The following NEB variants were observed in gnomAD, a reference collection of about 807,000 sequenced individuals.
NEB encodes nebulin, also known as nemaline myopathy type 2.
Under a neutral mutation model 952.2 loss-of-function variants are expected in NEB, and 512 were observed. The ratio of observed to expected loss-of-function variants is 0.54; its 90% CI spans 0.50 to 0.58. The LOEUF (loss-of-function observed/expected upper bound fraction) is 0.58. Ranked by LOEUF, NEB falls within the 20% of genes least tolerant of loss-of-function variation. The pLI, the probability that NEB is intolerant of heterozygous loss-of-function variation, is 0.00. For missense variants in NEB, 8,428 were observed against 9,231.1 expected (o/e 0.91, Z 3.56); for synonymous variants, 2,900 against 3,149.8 (o/e 0.92, Z 2.66).
intron 81 of NEB, 134 bp from the exon 82 acceptor site, chr2:151,608,810 G>A (rs2097783637): frequency 9.6e-6 from 1 of 103,904 alleles, no homozygotes; most frequent in Non-Finnish European, 2.1e-5. Context: ...GGCTGAGGCA[G>A]GAGAATCGCT....
chr2:151,509,102 TTTG>T (rs2071785702), intron 161 of NEB, among the ~76,000 whole-genome samples: 1 of 152,216 alleles, frequency 6.6e-6, no homozygotes. Context: ...CTCTATGTAC[TTTG>T]TTAATATAGG....
At position 151,692,046 on chromosome 2, in the gene NEB, T is replaced by C; in HGVS notation, c.2106+13A>G. ...TGTCACTGTGAGGCATGAACCATTG[T>C]CTTCAAACTTACATCACTGTTTTGA... is the stretch of plus-strand genomic sequence containing the variant. On this transcript the variant is annotated intron_variant, in intron 22 of 181. Coordinates refer to ENST00000397345, the MANE Select transcript of NEB (RefSeq NM_001164508.2). 6.2e-7 allele frequency: 1 copy of C among 1,612,326 alleles called. No individual in the cohort carries two copies. Among genetic ancestry groups the C allele is most frequent in the South Asian group, 1.1e-5 (1 of 91,028 alleles).
At chr2:151,614,846 A>C (rs1429559265) in intron 76 of NEB, among the ~76,000 whole-genome samples, 1 of 152,158 alleles carries the variant, frequency 6.6e-6, no homozygotes, top group African/African-American at 2.4e-5. Flanking sequence ...CCTCCTTATT[A>C]TACCACACTG....
chr2:151,583,864 G>A lies in NEB; in HGVS notation c.15664-98C>T, dbSNP rs545293311. 3 of 500,814 alleles carry A rather than the reference G, an allele frequency of 6.0e-6. 1 individual carries two copies. In the Admixed American group the frequency reaches 1.1e-4, roughly 18 times the overall value. 31.0% of individuals were successfully genotyped at this position (500,814 alleles called of 1,614,324 possible). On this transcript the variant is annotated intron_variant, in intron 100 of 181. Transcript: ENST00000397345. ...GGTTTCAGTATGTTTTCTTAGCCTTGGTATAAATTGGCTCAACATTGGCAG... is the reference window on the plus strand; with the variant it reads ...GGTTTCAGTATGTTTTCTTAGCCTTAGTATAAATTGGCTCAACATTGGCAG...
chr2:151,576,665 G>T (rs1017354205), intron 105 of NEB, among the ~76,000 whole-genome samples: 1 of 150,180 alleles, frequency 6.7e-6, no homozygotes, highest in African/African-American at 2.5e-5. Context: ...CCGAGTAGTT[G>T]AGACTACAGG....
intron 107 of NEB, among the ~76,000 whole-genome samples, chr2:151,575,477 T>C (rs764511789): frequency 8.5e-5 from 13 of 152,202 alleles, no homozygotes; most frequent in Non-Finnish European, 1.8e-4. Flanking sequence ...AAAGAGACTT[T>C]TGTTGTGGAG....
intron 124 of NEB, among the ~76,000 whole-genome samples, chr2:151,556,948 T>C (rs2095683206): frequency 6.6e-6 from 1 of 151,936 alleles, no homozygotes; most frequent in East Asian, 1.9e-4. Context: ...AACATCACAA[T>C]TAAAAGAACT....
chr2:151,690,944 T>C, intron 23 of NEB, 119 bp from the exon 24 acceptor site: 2 of 713,174 alleles, frequency 2.8e-6, no homozygotes, highest in Non-Finnish European at 5.0e-6. Flanking sequence ...ACTTAGTTGA[T>C]GCGTTTATAT....
intron 142 of NEB, 107 bp from the exon 143 acceptor site, chr2:151,533,653 CT>C (rs1164086151): frequency 1.5e-6 from 1 of 681,838 alleles, no homozygotes; most frequent in Admixed American, 2.3e-5. Context: ...GGCATACACA[CT>C]TTATGTACTC....
rs759834773 is a variant in NEB at position 151,565,492 on chromosome 2, C to T, written c.18366+9G>A. ...TCTGTGCACTTCAGCATGCACAAAG[C>T]AAACTTACATCACTTTGATTGACAG... On this transcript the variant is annotated intron_variant, in intron 116 of 181. Transcript: ENST00000397345. 34 of 1,550,354 alleles carry T rather than the reference C, an allele frequency of 2.2e-5. No homozygotes were observed. In the South Asian group the frequency reaches 3.3e-4, roughly 15 times the overall value.
At chr2:151,573,259 A>C (rs551399063) in intron 107 of NEB, among the ~76,000 whole-genome samples, 1 of 152,322 alleles carries the variant, frequency 6.6e-6, no homozygotes, top group East Asian at 1.9e-4. Flanking sequence ...ATCTTAATAA[A>C]GTTAATAATT....
chr2:151,620,364 T>C (rs2098383493), intron 72 of NEB, among the ~76,000 whole-genome samples: 2 of 75,368 alleles, frequency 2.7e-5, no homozygotes, highest in South Asian at 8.2e-4. Context: ...TATATATATA[T>C]ATATATATAT....
intron 171 of NEB, chr2:151,497,333 G>C (rs1370312932): frequency 1.3e-5 from 13 of 981,278 alleles, no homozygotes; most frequent in Non-Finnish European, 1.6e-5. Context: ...AATTATATGA[G>C]GATTTGAGAC....
chr2:151,506,780 A>C, intron 163 of NEB, 129 bp downstream of exon 163: 1 of 655,362 alleles, frequency 1.5e-6, no homozygotes, highest in Non-Finnish European at 2.6e-6. Flanking sequence ...GGATTTTAGC[A>C]AATCACTGCT....
In NEB at chr2:151,672,692, G is replaced by T; in HGVS notation, c.3988-12C>A. ...TCCTTGTATTTATACTGTGGAGGCAGAATTGGGTTAGCAAAGTCCTAGGCA... is the reference window on the plus strand; with the variant it reads ...TCCTTGTATTTATACTGTGGAGGCATAATTGGGTTAGCAAAGTCCTAGGCA... On this transcript the variant is annotated splice_polypyrimidine_tract_variant and intron_variant, in intron 36 of 181. Coordinates refer to ENST00000397345, the MANE Select transcript of NEB (RefSeq NM_001164508.2). The T allele has an allele frequency of 6.2e-7, 1 of 1,602,346 alleles. No homozygotes were observed. The highest frequency in any genetic ancestry group is 8.5e-7 in the Non-Finnish European group (1 of 1,172,512).
At chr2:151,685,273 C>T (rs1418965942) in intron 27 of NEB, among the ~76,000 whole-genome samples, 2 of 152,104 alleles carry the variant, frequency 1.3e-5, no homozygotes, top group Admixed American at 6.6e-5. Context: ...TTCTCAAGGA[C>T]CACTAACAAG....
At chr2:151,574,487 CTAAGA>C (rs969842753) in intron 107 of NEB, among the ~76,000 whole-genome samples, 2 of 152,000 alleles carry the variant, frequency 1.3e-5, no homozygotes, top group African/African-American at 4.8e-5. Flanking sequence ...TCTTTCTTAA[CTAAGA>C]TTTTATTTTT....
intron 37 of NEB, chr2:151,671,521 C>A: frequency 3.1e-6 from 1 of 327,778 alleles, no homozygotes; most frequent in East Asian, 5.8e-5. Flanking sequence ...GGTTGTTTAT[C>A]TTAAAGCATT....
At chr2:151,624,330 G>GA (rs976123105) in intron 71 of NEB, among the ~76,000 whole-genome samples, 6 of 150,700 alleles carry the variant, frequency 4.0e-5, no homozygotes, top group Non-Finnish European at 5.9e-5. Flanking sequence ...GCAGCAGTCT[G>GA]AAAAAAAAAT....
Sources: allele counts gnomAD v4.1 joint callset (sites outside exome capture counted in the v4.1 genomes callset), GRCh38; gene constraint gnomAD v4.1.1; transcripts MANE v1.5; gene names NCBI Gene and HGNC (gene_info 2026-07-23, HGNC 2026-07-21).